Variants in TTC39B observed in about 807,000 individuals in gnomAD.
The protein encoded by TTC39B is tetratricopeptide repeat domain 39B.
TTC39B carries 92 observed loss-of-function variants against 96.6 expected under a neutral mutation model. The ratio of observed to expected loss-of-function variants is 0.95; its 90% CI spans 0.80 to 1.13. The LOEUF (loss-of-function observed/expected upper bound fraction) is 1.13. Among genes scored for constraint, TTC39B ranks in the 50% most tolerant of loss-of-function variants. The probability of loss-of-function intolerance (pLI) is 0.00; values close to 1 mark genes in which losing one functional copy is unlikely to be tolerated. For synonymous variants in TTC39B, 367 were observed against 299.4 expected (o/e 1.23, Z -2.33); for missense variants, 955 against 809.3 (o/e 1.18, Z -2.18).
chr9:15,254,866 CACACACTT>C (rs1822695026), intron 2 of TTC39B, among the ~76,000 whole-genome samples: 2 of 130,310 alleles, frequency 1.5e-5, no homozygotes, highest in East Asian at 2.0e-4. Context: ...CACACAAACA[CACACACTT>C]TTTTTTTTTT....
intron 8 of TTC39B, among the ~76,000 whole-genome samples, chr9:15,196,188 G>A (rs1819157608): frequency 6.6e-6 from 1 of 152,224 alleles, no homozygotes; most frequent in African/African-American, 2.4e-5. Context: ...TGAAAGAGAT[G>A]TATGCAAGGA....
exon 20 of TTC39B, chr9:15,171,865 C>T: frequency 2.2e-6 from 1 of 453,226 alleles, no homozygotes; most frequent in East Asian, 3.6e-5. Context: ...TTATGTAGAC[C>T]AACAGTAAAT....
chr9:15,190,079 T>C (rs1198454267), intron 11 of TTC39B, among the ~76,000 whole-genome samples: 3 of 152,138 alleles, frequency 2.0e-5, no homozygotes, highest in Middle Eastern at 3.2e-3. Flanking sequence ...TAGCCCAAAA[T>C]TTCATTTTCT....
At chr9:15,194,718 G>GT (rs1819056420) in intron 8 of TTC39B, among the ~76,000 whole-genome samples, 1 of 152,144 alleles carries the variant, frequency 6.6e-6, no homozygotes. Flanking sequence ...AGTTATTACT[G>GT]TATCTGTTAA....
Position 15,188,818 on chromosome 9 carries a change from C to G in TTC39B, c.1234-686G>C, listed in dbSNP as rs148207295. On this transcript the variant is annotated intron_variant, in intron 13 of 19. Coordinates refer to ENST00000512701, the Ensembl canonical transcript of TTC39B. ...GCTGGATTTATAAAAATGCAACCACCTTTTGGCCCAGGAATTCTACTAATC... is the reference window on the plus strand; with the variant it reads ...GCTGGATTTATAAAAATGCAACCACGTTTTGGCCCAGGAATTCTACTAATC... Among the ~76,000 whole-genome samples the G allele has an allele frequency of 6.4e-3, 971 of 152,230 alleles. 8 individuals carry two copies. Among genetic ancestry groups the G allele is most frequent in the Middle Eastern group, 0.01 (3 of 294 alleles).
rs138040958 is a variant in TTC39B at position 15,288,795 on chromosome 9, G to A, written c.240+18289C>T. Among the ~76,000 whole-genome samples the A allele has an allele frequency of 2.5e-3, 382 of 152,336 alleles. 1 individual carries two copies. The highest frequency in any genetic ancestry group is 8.5e-3 in the African/African-American group (352 of 41,572). ...ACCCACCCCTGGATGCTGCCGTGAG[G>A]CCGGAGCCCAGGGGCACTTGCCCCA... On this transcript the variant is annotated intron_variant, in intron 1 of 19. Transcript: ENST00000512701.
At chr9:15,270,607 CA>C (rs1563777667) in intron 1 of TTC39B, among the ~76,000 whole-genome samples, 1 of 141,920 alleles carries the variant, frequency 7.0e-6, no homozygotes, top group South Asian at 2.3e-4. Flanking sequence ...ACCCCTCCAT[CA>C]AAAAAAGAAA....
chr9:15,252,660 G>C (rs746697323), intron 2 of TTC39B, among the ~76,000 whole-genome samples: 104 of 151,942 alleles, frequency 6.8e-4, no homozygotes, highest in Non-Finnish European at 1.2e-3. Context: ...AAAAAAAAAA[G>C]GATATTAGGT....
At chr9:15,218,796 T>C (rs1006026922) in intron 3 of TTC39B, among the ~76,000 whole-genome samples, 1 of 152,192 alleles carries the variant, frequency 6.6e-6, no homozygotes, top group African/African-American at 2.4e-5. Flanking sequence ...CAGATCCTTT[T>C]ATTCATTTCC....
intron 1 of TTC39B, among the ~76,000 whole-genome samples, chr9:15,270,780 C>T (rs1823320129): frequency 6.6e-6 from 1 of 150,956 alleles, no homozygotes; most frequent in Non-Finnish European, 1.5e-5. Flanking sequence ...TCAAGAATAT[C>T]GAAACTCTCC....
intron 1 of TTC39B, among the ~76,000 whole-genome samples, chr9:15,294,142 G>C (rs898513567): frequency 1.6e-4 from 25 of 152,104 alleles, no homozygotes; most frequent in African/African-American, 6.0e-4. Context: ...GCTGTGCACA[G>C]ATTTTAAGAG....
Position 15,182,350 on chromosome 9 carries a change from C to A in TTC39B, c.1680G>T (p.Leu560=), listed in dbSNP as rs1564316198. 2.5e-6 allele frequency: 4 copies of A among 1,612,172 alleles called. No individual in the cohort carries two copies. The African/African-American group carries it at 5.3e-5, about 22-fold the overall frequency. ...CCTCAGCTTTTTCAACAGTTACTAA[C>A]AGATTTTCAGAAAGGTCTTTTCTTT... The change falls in exon 17 of 20, where the codon CTG becomes CTT. Residue 560 remains leucine, a synonymous_variant. Transcript: ENST00000512701.
At chr9:15,244,544 C>A (rs1822186831) in intron 2 of TTC39B, among the ~76,000 whole-genome samples, 2 of 152,208 alleles carry the variant, frequency 1.3e-5, no homozygotes, top group South Asian at 4.1e-4. Context: ...TGAAACATCA[C>A]ATAAATGCAA....
chr9:15,284,545 C>G (rs1283251131), intron 1 of TTC39B, among the ~76,000 whole-genome samples: 1 of 152,098 alleles, frequency 6.6e-6, no homozygotes, highest in Non-Finnish European at 1.5e-5. Flanking sequence ...ATAAATAAAG[C>G]AAACAGTGAA....
chr9:15,180,185 AG>A (rs1818174812), intron 17 of TTC39B, among the ~76,000 whole-genome samples: 1 of 152,236 alleles, frequency 6.6e-6, no homozygotes, highest in African/African-American at 2.4e-5. Context: ...AACTACAAAA[AG>A]TATCTATGCT....
intron 2 of TTC39B, among the ~76,000 whole-genome samples, chr9:15,239,998 C>T (rs1235896185): frequency 6.6e-6 from 1 of 152,176 alleles, no homozygotes; most frequent in African/African-American, 2.4e-5. Context: ...GTATTAGCTA[C>T]ATAGACAACA....
At chr9:15,251,050 G>A (rs1822513581) in intron 2 of TTC39B, among the ~76,000 whole-genome samples, 1 of 152,016 alleles carries the variant, frequency 6.6e-6, no homozygotes, top group Non-Finnish European at 1.5e-5. Flanking sequence ...ACAAAAATTA[G>A]CTGGGTGTGG....
At chr9:15,268,047 G>C in intron 1 of TTC39B, 99 bp from the exon 2 acceptor site, 2 of 1,050,824 alleles carry the variant, frequency 1.9e-6, no homozygotes, top group Non-Finnish European at 2.9e-6. Context: ...GGGGAGAGTG[G>C]TCCTGGCAGG....
intron 1 of TTC39B, among the ~76,000 whole-genome samples, chr9:15,294,570 C>G (rs1456683258): frequency 6.6e-6 from 1 of 152,232 alleles, no homozygotes; most frequent in Non-Finnish European, 1.5e-5. Flanking sequence ...AGAGCTGGAA[C>G]AGATGGCCCT....
Sources: allele counts gnomAD v4.1 joint callset (sites outside exome capture counted in the v4.1 genomes callset), GRCh38; gene constraint gnomAD v4.1.1; transcripts MANE v1.5; gene names NCBI Gene and HGNC (gene_info 2026-07-23, HGNC 2026-07-21).